Variants in UNKL observed in about 807,000 individuals in gnomAD.
UNKL encodes putative E3 ubiquitin-protein ligase UNKL.
In UNKL, 60 loss-of-function variants were observed where a neutral mutation model predicts 78.0. The observed-to-expected ratio is 0.77, with a 90% CI of 0.63 to 0.95. UNKL has a LOEUF of 0.95. Among genes scored for constraint, UNKL ranks in the 40% least tolerant of loss-of-function variants. UNKL has a pLI of 0.00. For synonymous variants in UNKL, 608 were observed against 474.8 expected (o/e 1.28, Z -3.65); for missense variants, 1,159 against 1,045.7 (o/e 1.11, Z -1.49).
chr16:1,402,920 A>G (rs2037592217), intron 3 of UNKL, among the ~76,000 whole-genome samples: 1 of 151,998 alleles, frequency 6.6e-6, no homozygotes, highest in African/African-American at 2.4e-5. Context: ...TGAACCCAGG[A>G]GGCAGGGCTT....
intron 2 of UNKL, chr16:1,406,042 T>TGCC: frequency 2.2e-6 from 1 of 456,740 alleles, no homozygotes; most frequent in South Asian, 1.5e-5. Context: ...GGATCTGCAC[T>TGCC]GCCGGCTGGT....
chr16:1,394,167 G>A lies in UNKL; in HGVS notation c.901C>T (p.Pro301Ser). Residue 301 changes from proline (P) to serine (S), a missense_variant, in exon 7 of 15, where the codon CCG becomes TCG. By Grantham distance (74) the Pro-to-Ser change is moderately conservative (BLOSUM62 -1). Transcript: ENST00000389221. ...CNDMRQTGYC[P>S]RGPFCAFAHV... The stretch of plus-strand genomic sequence containing the variant: ...GCAAAGGCACAGAAGGGGCCGCGCG[G>A]GCAGTACCCGGTTTGGCGCATGTCG... 6.4e-7 allele frequency: 1 copy of A among 1,550,746 alleles called. No individual in the cohort carries two copies. Among genetic ancestry groups the A allele is most frequent in the Non-Finnish European group, 8.7e-7 (1 of 1,147,032 alleles).
chr16:1,399,529 G>C lies in UNKL; in HGVS notation c.599-20C>G. The C allele has an allele frequency of 6.3e-7, 1 of 1,583,258 alleles. No individual in the cohort carries two copies. The highest frequency in any genetic ancestry group is 1.1e-5 in the South Asian group (1 of 87,180). On this transcript the variant is annotated intron_variant, in intron 4 of 14. Transcript: ENST00000389221. The surrounding 1 kb of genome is among the most constrained non-coding windows in gnomAD (Gnocchi z 5.8). ...TGGCATCTGAAAAATGGGCCACACG[G>C]TGCCTGAGCAGCGCGACTGGAAGCA...
intron 9 of UNKL, among the ~76,000 whole-genome samples, chr16:1,386,520 C>T (rs1438393413): frequency 1.3e-5 from 2 of 152,150 alleles, no homozygotes; most frequent in Non-Finnish European, 2.9e-5. Flanking sequence ...CACCAATGCA[C>T]TGCAGCCCAG....
intron 3 of UNKL, among the ~76,000 whole-genome samples, chr16:1,402,517 C>T (rs1039044973): frequency 6.6e-6 from 1 of 151,922 alleles, no homozygotes; most frequent in Non-Finnish European, 1.5e-5. Flanking sequence ...AACAAAATAA[C>T]CCAGGCATGG....
intron 2 of UNKL, among the ~76,000 whole-genome samples, chr16:1,407,626 G>A (rs2037826035): frequency 6.6e-6 from 1 of 151,506 alleles, no homozygotes; most frequent in Non-Finnish European, 1.5e-5. Flanking sequence ...AGCTCAGGAG[G>A]TTGAGGTTGC....
rs2035732384 is a variant in UNKL at position 1,370,646 on chromosome 16, A to C, written c.1358-289T>G. ...CCCCCCCCAAAGAGGCCGGACACCC[A>C]CCAGGCCCTGCCGGCCAACTAAGCC... On this transcript the variant is annotated intron_variant, in intron 11 of 14. Transcript: ENST00000389221. Among the ~76,000 whole-genome samples the C allele has an allele frequency of 3.9e-5, 6 of 152,302 alleles. No homozygotes were observed. In the South Asian group the frequency reaches 1.2e-3, roughly 32 times the overall value.
Position 1,367,767 on chromosome 16 carries a change from G to T in UNKL, c.1677C>A (p.Ser559=), listed in dbSNP as rs767448681. The part of the protein sequence containing the change: ...PSPILSAGPP[S]SSSASPNGAE... ...CTCCGTTTGGACTTGCACTCGAAGAGGATGGGGGGCCGGCACTCAGGATGG... is the reference window on the plus strand; with the variant it reads ...CTCCGTTTGGACTTGCACTCGAAGATGATGGGGGGCCGGCACTCAGGATGG... Residue 559 remains serine, a synonymous_variant, in exon 13 of 15, where the codon TCC becomes TCA. Transcript: ENST00000389221. 11 of 1,573,934 alleles carry T rather than the reference G, an allele frequency of 7.0e-6. No homozygotes were observed. The South Asian group carries it at 1.2e-4, about 17-fold the overall frequency.
chr16:1,379,535 G>A, intron 10 of UNKL: 2 of 985,094 alleles, frequency 2.0e-6, no homozygotes, highest in Non-Finnish European at 2.4e-6. Context: ...GGACGCACCT[G>A]GCGGGGGGCG....
At chr16:1,398,511 G>A in intron 5 of UNKL, 1 of 1,286,042 alleles carries the variant, frequency 7.8e-7, no homozygotes, top group South Asian at 1.7e-5. Flanking sequence ...CAAGGAGTGG[G>A]GCGTCCTTCC....
intron 14 of UNKL, 145 bp downstream of exon 14, chr16:1,366,947 G>A (rs1322836519): frequency 7.3e-7 from 1 of 1,375,754 alleles, no homozygotes; most frequent in Non-Finnish European, 9.5e-7. Context: ...TGCTGGGGTG[G>A]GGCACCGTCT....
chr16:1,405,811 C>CA (rs2037731760), intron 2 of UNKL: 1 of 378,434 alleles, frequency 2.6e-6, no homozygotes, highest in African/African-American at 2.1e-5. Context: ...CGCTCTGCCT[C>CA]ACGCTCCAAT....
intron 12 of UNKL, among the ~76,000 whole-genome samples, chr16:1,368,695 G>A (rs927513297): frequency 2.7e-5 from 4 of 149,574 alleles, no homozygotes; most frequent in African/African-American, 9.9e-5. Context: ...GAGGTCAGGA[G>A]TTTGAGACCA....
rs535135043 is a variant in UNKL, at chr16:1,377,790, C to T, written c.1265-6179G>A. Among the ~76,000 whole-genome samples the T allele has an allele frequency of 3.3e-5, 5 of 152,294 alleles. No individual in the cohort carries two copies. The East Asian group carries it at 7.7e-4, about 24-fold the overall frequency. The stretch of plus-strand genomic sequence containing the variant: ...TCCCTTGCTTGTTCCCATGGCCCCA[C>T]TGCAGGCCCTTCCCAGACACCACGT... On this transcript the variant is annotated intron_variant, in intron 10 of 14. Transcript: ENST00000389221.
At chr16:1,404,715 G>A (rs1164239031) in intron 2 of UNKL, among the ~76,000 whole-genome samples, 1 of 152,218 alleles carries the variant, frequency 6.6e-6, no homozygotes, top group African/African-American at 2.4e-5. Context: ...AACCACCCAA[G>A]TGGGCGCCAA....
chr16:1,377,699 G>C (rs1480978861), intron 10 of UNKL, among the ~76,000 whole-genome samples: 1 of 152,140 alleles, frequency 6.6e-6, no homozygotes, highest in Non-Finnish European at 1.5e-5. Context: ...CCAACACAGT[G>C]GCTCTGCAGC....
chr16:1,414,663 G>A lies in UNKL; in HGVS notation c.29C>T (p.Ala10Val), dbSNP rs1434002095. ...CTGCGGGGGGGACCCGCTCAGCGCC[G>A]CTGCCGCCGCTTTCGAAACCGACGG... MPSVSKAAA[A>V]ALSGSPPQTE... Residue 10 changes from alanine (A) to valine (V), a missense_variant, in exon 1 of 15, where the codon GCG becomes GTG. Coordinates refer to ENST00000389221, the MANE Select transcript of UNKL (RefSeq NM_001372107.1). 3.5e-6 allele frequency: 4 copies of A among 1,149,414 alleles called. No individual in the cohort carries two copies. The African/African-American group carries it at 5.0e-5, about 14-fold the overall frequency. 71.2% of individuals were successfully genotyped at this position (1,149,414 alleles called of 1,614,324 possible). A position where few individuals can be genotyped will look rare whatever the true frequency, so the allele number is the denominator to read the frequency against.
chr16:1,407,095 G>A (rs992600545), intron 2 of UNKL, among the ~76,000 whole-genome samples: 1 of 151,498 alleles, frequency 6.6e-6, no homozygotes, highest in South Asian at 2.1e-4. Flanking sequence ...GCTGCAGTGA[G>A]CCGAGATCGT....
intron 8 of UNKL, 101 bp downstream of exon 8, chr16:1,392,790 C>A: frequency 1.4e-6 from 2 of 1,379,712 alleles, no homozygotes; most frequent in Non-Finnish European, 2.0e-6. Flanking sequence ...CCACAGACTG[C>A]CCACGACCAC....
Sources: allele counts gnomAD v4.1 joint callset (sites outside exome capture counted in the v4.1 genomes callset), GRCh38; gene constraint gnomAD v4.1.1; non-coding constraint Gnocchi (gnomAD v3.1); transcripts MANE v1.5; gene names NCBI Gene and HGNC (gene_info 2026-07-23, HGNC 2026-07-21).